PLPPR3: variants seen among roughly 807,000 people sequenced by gnomAD.
PLPPR3 encodes phospholipid phosphatase related 3, also known as phospholipid phosphatase-related protein type 3.
A neutral mutation model predicts 27.3 loss-of-function variants in PLPPR3; 14 were observed. The ratio of observed to expected loss-of-function variants is 0.51; its 90% CI spans 0.34 to 0.80. The LOEUF is 0.80. Among genes scored for constraint, PLPPR3 ranks in the 30% least tolerant of loss-of-function variants. The probability of loss-of-function intolerance (pLI) is 0.01; values close to 1 mark genes in which losing one functional copy is unlikely to be tolerated. For missense variants in PLPPR3, 1,287 were observed against 1,056.9 expected (o/e 1.22, Z -3.02); for synonymous variants, 671 against 508.0 (o/e 1.32, Z -4.32).
chr19:815,334 A>C lies in PLPPR3; in HGVS notation c.262-7T>G, dbSNP rs1240236402. ...TGCCCTCGGCCACCATGATCTGCCA[A>C]CAGGGAGGGGGCGCTCAGGCCTCGG... On this transcript the variant is annotated splice_region_variant and splice_polypyrimidine_tract_variant and intron_variant, in intron 3 of 7. Transcript: ENST00000520876. 1 of 1,536,902 alleles carries C rather than the reference A, an allele frequency of 6.5e-7. No homozygotes were observed. The highest frequency in any genetic ancestry group is 2.0e-5 in the Admixed American group (1 of 50,314).
chr19:816,927 C>T (rs1215181735), intron 2 of PLPPR3, among the ~76,000 whole-genome samples: 17 of 147,148 alleles, frequency 1.2e-4, no homozygotes, highest in East Asian at 4.2e-4. Flanking sequence ...CACCCATCCA[C>T]CCACCCACCC....
intron 2 of PLPPR3, among the ~76,000 whole-genome samples, chr19:819,520 C>T (rs1027325991): frequency 1.1e-4 from 16 of 151,734 alleles, no homozygotes; most frequent in Admixed American, 3.9e-4. Flanking sequence ...GAACTCCTGA[C>T]CTTAGGTGAT....
Position 813,524 on chromosome 19 carries a change from G to A in PLPPR3, c.1203C>T (p.Ala401=). ...RHMTIHVPLD[A]SRSKQLISEW... The stretch of plus-strand genomic sequence containing the variant: ...CGCTGATGAGCTGCTTGGAGCGCGA[G>A]GCGTCCAGCGGCACGTGGATGGTCA... Residue 401 remains alanine (A), a synonymous_variant, in exon 8 of 8, where the codon GCC becomes GCT. Coordinates refer to ENST00000520876, the MANE Select transcript of PLPPR3 (RefSeq NM_001270366.2). This position sits in a 1 kb window ranked among gnomAD's most constrained non-coding sequence, Gnocchi z 4.1. 4 of 1,560,114 alleles carry A rather than the reference G, an allele frequency of 2.6e-6. No individual in the cohort carries two copies. The highest frequency in any genetic ancestry group is 3.5e-6 in the Non-Finnish European group (4 of 1,155,032).
Position 813,676 on chromosome 19 carries a change from G to A in PLPPR3, c.1051C>T (p.Arg351Cys). ...AGCAGGTCCACGTCCACGCTGGCGC[G>A]CTTCAGGCTGCCCAGCGAGGTCTTC... is the stretch of plus-strand genomic sequence containing the variant. Reference protein sequence around the residue: ...REKTSLGSLKRASVDVDLLAP... With the variant: ...REKTSLGSLKCASVDVDLLAP... The change falls in exon 8 of 8, where the codon CGC becomes TGC. Residue 351 changes from arginine to cysteine, a missense_variant. Transcript: ENST00000520876. This position sits in a 1 kb window ranked among gnomAD's most constrained non-coding sequence, Gnocchi z 4.1. 3 of 1,533,292 alleles carry A rather than the reference G, an allele frequency of 2.0e-6. No individual in the cohort carries two copies. Among genetic ancestry groups the A allele is most frequent in the African/African-American group, 1.4e-5 (1 of 72,764 alleles). The allele number at this position is 1,533,292 out of a possible 1,614,324, so 95.0% of individuals were successfully genotyped here. A position where few individuals can be genotyped will look rare whatever the true frequency, so the allele number is the denominator to read the frequency against.
intron 7 of PLPPR3, 43 bp downstream of exon 7, chr19:814,391 C>T: frequency 6.5e-7 from 1 of 1,540,562 alleles, no homozygotes; most frequent in East Asian, 2.3e-5. Context: ...CCCTCAGATC[C>T]CCTGGGAACC....
rs771041486 is a variant in PLPPR3, at chr19:814,652, G to C, written c.657+40C>G. On this transcript the variant is annotated intron_variant, in intron 6 of 7. Coordinates refer to ENST00000520876, the MANE Select transcript of PLPPR3 (RefSeq NM_001270366.2). ...GTCAGGGAGGGCTCCCCACGGGTCA[G>C]CAAGAGGGCCTGGGAAGGGCAGTGA... The C allele has an allele frequency of 6.2e-7, 1 of 1,609,474 alleles. No homozygotes were observed. The highest frequency in any genetic ancestry group is 1.3e-5 in the African/African-American group (1 of 74,936).
At chr19:818,073 G>T (rs560535591) in intron 2 of PLPPR3, among the ~76,000 whole-genome samples, 40 of 152,272 alleles carry the variant, frequency 2.6e-4, no homozygotes, top group Admixed American at 4.6e-4. Context: ...GTGGGGCCTG[G>T]GCGCGGCCTT....
chr19:818,628 G>A (rs1481202625), intron 2 of PLPPR3, among the ~76,000 whole-genome samples: 3 of 151,740 alleles, frequency 2.0e-5, no homozygotes, highest in Non-Finnish European at 4.4e-5. Flanking sequence ...CCACATCCCG[G>A]GTTCACGCCA....
chr19:815,632 A>T (rs1466566752), intron 3 of PLPPR3, 34 bp downstream of exon 3: 1 of 1,544,038 alleles, frequency 6.5e-7, no homozygotes, highest in African/African-American at 1.4e-5. Context: ...CGTGGTGCCC[A>T]CAGGCTGGCA....
rs1326127642 is a variant in PLPPR3, at chr19:812,895, G to A, written c.1832C>T (p.Ala611Val). The A allele has an allele frequency of 7.9e-7, 1 of 1,270,110 alleles. No homozygotes were observed. Among genetic ancestry groups the A allele is most frequent in the Non-Finnish European group, 1.0e-6 (1 of 1,002,538 alleles). 78.7% of individuals were successfully genotyped at this position (1,270,110 alleles called of 1,614,324 possible). Residue 611 changes from alanine to valine, a missense_variant, in exon 8 of 8, where the codon GCC (alanine) becomes GTC (valine). By Grantham distance (64) the Ala-to-Val change is moderately conservative. Coordinates refer to ENST00000520876, the MANE Select transcript of PLPPR3 (RefSeq NM_001270366.2). The part of the protein sequence containing the change: ...PWEWKAAGGG[A>V]KAEADGGYEL... ...GTAGCCGCCGTCGGCCTCCGCCTTG[G>A]CCCCGCCGCCCGCCGCCTTCCACTC...
upstream of PLPPR3, among the ~76,000 whole-genome samples, chr19:823,330 C>T (rs1985348): frequency 0.27 from 40,176 of 147,218 alleles, 5,423 homozygotes; most frequent in East Asian, 0.4. Flanking sequence ...TAATCCCAGC[C>T]AGATGGGAGG....
chr19:821,300 T>C (rs1358843627), intron 2 of PLPPR3, among the ~76,000 whole-genome samples, 185 bp downstream of exon 2: 2 of 149,976 alleles, frequency 1.3e-5, no homozygotes, highest in Non-Finnish European at 3.0e-5. Context: ...CCTCTGGAGC[T>C]CCTACTCGAC....
At chr19:818,682 C>CATAA in intron 2 of PLPPR3, among the ~76,000 whole-genome samples, 2 of 151,576 alleles carry the variant, frequency 1.3e-5, no homozygotes, top group Middle Eastern at 6.8e-3. Context: ...TACAGGCGCC[C>CATAA]GCCACCGCGC....
intron 7 of PLPPR3, among the ~76,000 whole-genome samples, 191 bp from the exon 8 acceptor site, chr19:814,086 TC>T (rs1470167445): frequency 2.0e-5 from 3 of 151,970 alleles, no homozygotes; most frequent in Admixed American, 2.0e-4. Context: ...GGATTCTGAC[TC>T]CAGCATTCCA....
chr19:812,541 G>GCC lies in PLPPR3; in HGVS notation c.*27_*28dup. On this transcript the variant is annotated 3_prime_UTR_variant, in exon 8 of 8. Coordinates refer to ENST00000520876, the MANE Select transcript of PLPPR3 (RefSeq NM_001270366.2). ...GCGCGGCCGCCCGCGCCCTCGGCCC[G>GCC]CCCCCCGCCCGCCCCCGGCCCCGCC... 34 of 617,396 alleles carry GCC rather than the reference G, an allele frequency of 5.5e-5. No individual in the cohort carries two copies. Among genetic ancestry groups the GCC allele is most frequent in the South Asian group, 7.0e-5 (1 of 14,282 alleles). The allele number at this position is 617,396 out of a possible 1,614,324, so 38.2% of individuals were successfully genotyped here. A position where few individuals can be genotyped will look rare whatever the true frequency, so the allele number is the denominator to read the frequency against.
intron 2 of PLPPR3, 94 bp downstream of exon 2, chr19:821,391 C>T (rs1432988360): frequency 4.8e-5 from 55 of 1,138,778 alleles, no homozygotes; most frequent in Non-Finnish European, 6.1e-5. Context: ...ACTGCCGGGG[C>T]AGCTGCGCCG....
chr19:815,349 T>A, intron 3 of PLPPR3, 22 bp from the exon 4 acceptor site: 1 of 1,523,448 alleles, frequency 6.6e-7, no homozygotes, highest in Non-Finnish European at 8.8e-7. Flanking sequence ...GAGGGGGCGC[T>A]CAGGCCTCGG....
Position 813,859 on chromosome 19 carries a change from C to T in PLPPR3, c.868G>A (p.Ala290Thr). ...GGGGCCGGGGCCGCGGGCTTCTCTG[C>T]AGGTGGGGCCTGGAAGTTGCCCACC... ...HAVGNFQAPP[A>T]EKPAAPAPAK... is the part of the protein sequence containing the mutation. Residue 290 changes from alanine (A) to threonine (T), a missense_variant, in exon 8 of 8, where the codon GCA becomes ACA. By Grantham distance (58) the Ala-to-Thr change is moderately conservative. Transcript: ENST00000520876. This position sits in a 1 kb window ranked among gnomAD's most constrained non-coding sequence, Gnocchi z 4.1. 6.9e-7 allele frequency: 1 copy of T among 1,454,182 alleles called. No homozygotes were observed. The allele number at this position is 1,454,182 out of a possible 1,614,324, so 90.1% of individuals were successfully genotyped here.
rs766596793 is a variant in PLPPR3, at chr19:814,934, G to A, written c.551C>T (p.Thr184Met). 1.7e-5 allele frequency: 27 copies of A among 1,612,210 alleles called. No homozygotes were observed. The highest frequency in any genetic ancestry group is 1.1e-4 in the East Asian group (5 of 44,888). Residue 184 changes from threonine to methionine, a missense_variant, in exon 5 of 8, where the codon ACG (threonine) becomes ATG (methionine). Coordinates refer to ENST00000520876, the MANE Select transcript of PLPPR3 (RefSeq NM_001270366.2). ...GTSCEVNPYI[T>M]QDICSGHDIH... The stretch of plus-strand genomic sequence containing the variant: ...GTCGTGGCCGGAGCAGATGTCCTGC[G>A]TGATGTAGGGGTTGACCTCGCAGGA...
Sources: allele counts gnomAD v4.1 joint callset (sites outside exome capture counted in the v4.1 genomes callset), GRCh38; gene constraint gnomAD v4.1.1; non-coding constraint Gnocchi (gnomAD v3.1); transcripts MANE v1.5; gene names NCBI Gene and HGNC (gene_info 2026-07-23, HGNC 2026-07-21).